The following ASPM variants were observed in gnomAD, a reference collection of about 807,000 sequenced individuals.
ASPM encodes the protein abnormal spindle-like microcephaly-associated protein.
ASPM carries 256 observed loss-of-function variants against 366.4 expected under a neutral mutation model. That is an observed-to-expected ratio of 0.70 (90% CI 0.63 to 0.77). The LOEUF is 0.77. ASPM is among the 30% of genes least tolerant of loss of function. ASPM has a pLI of 0.00. For missense variants in ASPM, 4,146 were observed against 4,090.4 expected (o/e 1.01, Z -0.37); for synonymous variants, 1,414 against 1,342.9 (o/e 1.05, Z -1.16).
chr1:197,097,373 ACT>A (rs1464106525), intron 18 of ASPM, among the ~76,000 whole-genome samples: 2 of 151,450 alleles, frequency 1.3e-5, no homozygotes, highest in African/African-American at 4.8e-5. Flanking sequence ...AGGTAGCTTG[ACT>A]CTTTGTTCAG....
Position 197,121,977 on chromosome 1 carries a change from C to A in ASPM, c.3808G>T (p.Ala1270Ser). The change falls in exon 16 of 28, where the codon GCT (alanine) becomes TCT (serine). Residue 1270 changes from alanine (A) to serine (S), a missense_variant. Around this residue, in one of 3 missense-constraint regions of ASPM, gnomAD observed 3,624 missense variants for 3,591.7 expected, o/e 1.01. Coordinates refer to ENST00000367409, the MANE Select transcript of ASPM (RefSeq NM_018136.5). Reference protein sequence around the residue: ...LLDLRKEIRAARLIQTTWRKY... With the variant: ...LLDLRKEIRASRLIQTTWRKY... ...CTCCATGTTGTTTGTATGAGTCGAGCAGCTCTTATTTCTTTACGAAGATCC... is the reference window on the plus strand; with the variant it reads ...CTCCATGTTGTTTGTATGAGTCGAGAAGCTCTTATTTCTTTACGAAGATCC... 6.2e-7 allele frequency: 1 copy of A among 1,611,158 alleles called. No homozygotes were observed. The highest frequency in any genetic ancestry group is 8.5e-7 in the Non-Finnish European group (1 of 1,177,722).
Position 197,122,019 on chromosome 1 carries a change from G to A in ASPM, c.3766C>T (p.Leu1256Phe), listed in dbSNP as rs1033582935. The A allele has an allele frequency of 6.2e-7, 1 of 1,612,014 alleles. No individual in the cohort carries two copies. The highest frequency in any genetic ancestry group is 8.5e-7 in the Non-Finnish European group (1 of 1,178,824). The change falls in exon 16 of 28, where the codon CTT becomes TTT. Residue 1256 changes from leucine (L) to phenylalanine (F), a missense_variant. Physicochemically the swap from Leu to Phe is conservative, Grantham distance 22. This residue lies in a region of ASPM where 3,624 missense variants were observed against 3,591.7 expected (regional missense o/e 1.01). Transcript: ENST00000367409. ...EKVVITYLSF[L>F]CARLLDLRKE... is the part of the protein sequence containing the mutation. ...CGAAGATCCAAAAGCCTTGCACAAA[G>A]AAATGACAAATAGGTAATAACCACC...
intron 17 of ASPM, 134 bp downstream of exon 17, chr1:197,117,654 TA>T: frequency 1.3e-6 from 1 of 778,910 alleles, no homozygotes; most frequent in South Asian, 1.8e-5. Context: ...TTTCAGGTAG[TA>T]AATATTTGTT....
At position 197,103,446 on chromosome 1, in the gene ASPM, A is replaced by G; in HGVS notation, c.5805T>C (p.Thr1935=). The stretch of plus-strand genomic sequence containing the variant: ...ACTCCATACATTGCTTCCTTCCTGC[A>G]GTCCATGCTCTGAAATTTTGCTGGA... ...LVIQQNFRAW[T]AGRKQCMEYI... is the part of the protein sequence containing the mutation. The change falls in exon 18 of 28, where the codon ACT becomes ACC. Residue 1935 remains threonine, a synonymous_variant. Coordinates refer to ENST00000367409, the MANE Select transcript of ASPM (RefSeq NM_018136.5). 2 of 1,613,334 alleles carry G rather than the reference A, an allele frequency of 1.2e-6. No individual in the cohort carries two copies. The highest frequency in any genetic ancestry group is 1.7e-6 in the Non-Finnish European group (2 of 1,179,524).
chr1:197,096,266 A>G (rs1656973191), intron 18 of ASPM, 102 bp from the exon 19 acceptor site: 2 of 1,041,402 alleles, frequency 1.9e-6, no homozygotes, highest in South Asian at 2.6e-5. Context: ...GTTAGTGCAG[A>G]CAAAAATAAA....
At chr1:197,121,398 C>T (rs1212346640) in intron 16 of ASPM, among the ~76,000 whole-genome samples, 5 of 152,062 alleles carry the variant, frequency 3.3e-5, no homozygotes, top group African/African-American at 7.2e-5. Context: ...TAGCAGAAAC[C>T]AAAATACCAC....
At chr1:197,124,382 T>C (rs1420706854) in intron 12 of ASPM, 51 bp from the exon 13 acceptor site, 10 of 1,266,180 alleles carry the variant, frequency 7.9e-6, no homozygotes, top group Non-Finnish European at 1.1e-5. Context: ...CCATAGATTA[T>C]TTTTAACCCA....
At chr1:197,097,118 T>C (rs896075487) in intron 18 of ASPM, among the ~76,000 whole-genome samples, 2 of 151,776 alleles carry the variant, frequency 1.3e-5, no homozygotes, top group African/African-American at 4.8e-5. Flanking sequence ...TAAAATTAAC[T>C]GTGTTTTTCT....
rs1657172572 is a variant in ASPM at position 197,101,395 on chromosome 1, T to C, written c.7856A>G (p.Lys2619Arg). Residue 2619 changes from lysine to arginine, a missense_variant, in exon 18 of 28, where the codon AAA (lysine) becomes AGA (arginine). Around this residue, in one of 3 missense-constraint regions of ASPM, gnomAD observed 3,624 missense variants for 3,591.7 expected, o/e 1.01. Transcript: ENST00000367409. The stretch of plus-strand genomic sequence containing the variant: ...AGCCTGGTGCTGTTCCTGAATCTGT[T>C]TTTTTATGTTCATGTCCTGAAAACC... Reference protein sequence around the residue: ...QAGFQDMNIKKQIQEQHQAAI... With the variant: ...QAGFQDMNIKRQIQEQHQAAI... 6.2e-7 allele frequency: 1 copy of C among 1,608,506 alleles called. No homozygotes were observed. The highest frequency in any genetic ancestry group is 1.1e-5 in the South Asian group (1 of 91,016).
chr1:197,137,669 T>C (rs7549438), intron 4 of ASPM, among the ~76,000 whole-genome samples: 6,111 of 152,162 alleles, frequency 0.04, 382 homozygotes, highest in African/African-American at 0.13. Context: ...TCAGTAGGGA[T>C]GGGGTTTCAC....
chr1:197,139,163 A>C (rs1367943978), intron 4 of ASPM: 2 of 947,526 alleles, frequency 2.1e-6, no homozygotes, highest in African/African-American at 1.7e-5. Flanking sequence ...TGGTACAAAG[A>C]AGCATATCTT....
chr1:197,089,736 G>A (rs982827161), intron 25 of ASPM, among the ~76,000 whole-genome samples, 194 bp downstream of exon 25: 7 of 151,782 alleles, frequency 4.6e-5, no homozygotes, highest in African/African-American at 7.3e-5. Context: ...ATATTATAAA[G>A]ACTGAGGAAA....
chr1:197,135,323 G>T, intron 4 of ASPM, 81 bp from the exon 5 acceptor site: 1 of 1,312,038 alleles, frequency 7.6e-7, no homozygotes, highest in Non-Finnish European at 1.1e-6. Flanking sequence ...ATTTTTACTA[G>T]CAATACCATC....
At chr1:197,108,852 T>C (rs1161982759) in intron 17 of ASPM, among the ~76,000 whole-genome samples, 1 of 151,666 alleles carries the variant, frequency 6.6e-6, no homozygotes, top group Non-Finnish European at 1.5e-5. Flanking sequence ...ATGCCTGTAG[T>C]CTCAGCTACT....
chr1:197,141,479 T>C (rs116489528), intron 3 of ASPM, among the ~76,000 whole-genome samples: 2,060 of 152,310 alleles, frequency 0.014, 47 homozygotes, highest in African/African-American at 0.046. Context: ...CATGACTAAA[T>C]TGCAACATAA....
chr1:197,124,414 T>C, intron 12 of ASPM, 83 bp from the exon 13 acceptor site: 2 of 1,007,404 alleles, frequency 2.0e-6, no homozygotes, highest in Non-Finnish European at 3.0e-6. Flanking sequence ...GTAACTGTCT[T>C]CTATTTAGAG....
chr1:197,108,716 T>C (rs1384192809), intron 17 of ASPM, among the ~76,000 whole-genome samples: 1 of 151,954 alleles, frequency 6.6e-6, no homozygotes, highest in Non-Finnish European at 1.5e-5. Context: ...CACACCTGTA[T>C]TCCTAGCACT....
intron 16 of ASPM, among the ~76,000 whole-genome samples, chr1:197,119,830 GT>G (rs1383587583): frequency 6.6e-6 from 1 of 151,972 alleles, no homozygotes; most frequent in African/African-American, 2.4e-5. Flanking sequence ...ACTTGACAAA[GT>G]TTCTTTGTCA....
chr1:197,128,751 A>C, intron 9 of ASPM, 86 bp from the exon 10 acceptor site: 1 of 1,034,294 alleles, frequency 9.7e-7, no homozygotes. Context: ...CATTCTGTAC[A>C]TATAAAAATA....
Sources: allele counts gnomAD v4.1 joint callset (sites outside exome capture counted in the v4.1 genomes callset), GRCh38; gene constraint gnomAD v4.1.1; regional missense constraint gnomAD v4.1.1; transcripts MANE v1.5; gene names NCBI Gene and HGNC (gene_info 2026-07-23, HGNC 2026-07-21).